MMP24: variants seen among roughly 807,000 people sequenced by gnomAD.
MMP24 encodes matrix metalloproteinase-24.
Under a neutral mutation model 62.8 loss-of-function variants are expected in MMP24, and 25 were observed. That is an observed-to-expected ratio of 0.40 (90% CI 0.29 to 0.56). MMP24 has a LOEUF of 0.56. Among genes scored for constraint, MMP24 ranks in the 20% least tolerant of loss-of-function variants. The pLI is 0.50. For missense variants in MMP24, 634 were observed against 853.6 expected, an observed-to-expected ratio of 0.74 and a Z score of 3.21; for synonymous variants, 319 against 350.5, an observed-to-expected ratio of 0.91 and a Z score of 1.00.
At chr20:35,268,391 C>T (rs1370398449) in intron 6 of MMP24, among the ~76,000 whole-genome samples, 1 of 152,162 alleles carries the variant, frequency 6.6e-6, no homozygotes, top group Non-Finnish European at 1.5e-5. Flanking sequence ...GAGGCTGCCT[C>T]GCTCCCCTTG....
At chr20:35,249,006 C>T (rs1384598799) in intron 2 of MMP24, among the ~76,000 whole-genome samples, 1 of 152,266 alleles carries the variant, frequency 6.6e-6, no homozygotes, top group African/African-American at 2.4e-5. Context: ...GGGAATGATC[C>T]GAGGGAAAAG....
At chr20:35,228,284 A>G (rs1302366820) in intron 1 of MMP24, among the ~76,000 whole-genome samples, 1 of 152,240 alleles carries the variant, frequency 6.6e-6, no homozygotes, top group African/African-American at 2.4e-5. Context: ...TCCACAAAAC[A>G]ACAAAAAAGA....
Position 35,276,287 on chromosome 20 carries a change from C to A in MMP24, c.*1678C>A. 1 of 399,156 alleles carries A rather than the reference C, an allele frequency of 2.5e-6. No individual in the cohort carries two copies. The highest frequency in any genetic ancestry group is 4.4e-6 in the Non-Finnish European group (1 of 226,106). The allele number at this position is 399,156 out of a possible 1,614,324, so 24.7% of individuals were successfully genotyped here. A position where few individuals can be genotyped will look rare whatever the true frequency, so the allele number is the denominator to read the frequency against. On this transcript the variant is annotated 3_prime_UTR_variant, in exon 9 of 9. Transcript: ENST00000246186. ...TGTTTTTTCTCATTTTGGCCAAGGG[C>A]AGGCTCCCTGGGACAGGCAGGGAAC... is the stretch of plus-strand genomic sequence containing the variant.
At chr20:35,262,333 G>A (rs1346486617) in intron 4 of MMP24, among the ~76,000 whole-genome samples, 4 of 152,172 alleles carry the variant, frequency 2.6e-5, no homozygotes, top group African/African-American at 7.2e-5. Flanking sequence ...AGAGGGGGAT[G>A]TGTCAGGGTC....
intron 1 of MMP24, among the ~76,000 whole-genome samples, chr20:35,242,315 G>C (rs994170011): frequency 1.3e-5 from 2 of 152,070 alleles, no homozygotes; most frequent in South Asian, 4.1e-4. Context: ...CTGGGCAACA[G>C]AGTGAGACTC....
intron 4 of MMP24, among the ~76,000 whole-genome samples, chr20:35,258,364 G>A (rs981729782): frequency 1.3e-5 from 2 of 152,146 alleles, no homozygotes. Flanking sequence ...CCTTGGAAAT[G>A]TCTTTTACAG....
At chr20:35,241,317 C>A (rs1002316951) in intron 1 of MMP24, among the ~76,000 whole-genome samples, 15 of 152,188 alleles carry the variant, frequency 9.9e-5, no homozygotes, top group African/African-American at 3.6e-4. Context: ...CACACAGACA[C>A]ACAGACACAC....
intron 4 of MMP24, among the ~76,000 whole-genome samples, chr20:35,257,932 C>G (rs1218287482): frequency 6.6e-6 from 1 of 152,166 alleles, no homozygotes; most frequent in Non-Finnish European, 1.5e-5. Context: ...AGGCAAGGAA[C>G]CAAAATTTAT....
intron 1 of MMP24, 138 bp downstream of exon 1, chr20:35,227,122 G>A: frequency 1.4e-6 from 1 of 719,742 alleles, no homozygotes. Context: ...CCGCGCCTTG[G>A]GTCCGGGCTG....
rs1417081568 is a variant in MMP24 at position 35,226,968 on chromosome 20, C to G, written c.230C>G (p.Ala77Gly). 3 of 979,894 alleles carry G rather than the reference C, an allele frequency of 3.1e-6. No homozygotes were observed. Among genetic ancestry groups the G allele is most frequent in the Non-Finnish European group, 3.6e-6 (3 of 827,880 alleles). The allele number at this position is 979,894 out of a possible 1,614,324, so 60.7% of individuals were successfully genotyped here. ...VAVARADEAE[A>G]PFAGQNWLKS... The stretch of plus-strand genomic sequence containing the variant: ...GTGGCGCGGGCGGACGAGGCGGAGG[C>G]GCCCTTCGCCGGGCAGGTGGGGCTG... The change falls in exon 1 of 9, where the codon GCG (alanine) becomes GGG (glycine). Residue 77 changes from alanine to glycine, a missense_variant. By Grantham distance (60) the Ala-to-Gly change is moderately conservative. Around this residue, in one of 3 missense-constraint regions of MMP24, gnomAD observed 212 missense variants for 259.6 expected, o/e 0.82. Coordinates refer to ENST00000246186, the MANE Select transcript of MMP24 (RefSeq NM_006690.4).
rs117983792 is a variant in MMP24, at chr20:35,238,681, C to T, written c.247-8159C>T. Among the ~76,000 whole-genome samples the T allele has an allele frequency of 6.1e-3, 933 of 152,256 alleles. 20 individuals carry two copies. Among genetic ancestry groups the T allele is most frequent in the East Asian group, 0.047 (245 of 5,180 alleles). On this transcript the variant is annotated intron_variant, in intron 1 of 8. Coordinates refer to ENST00000246186, the MANE Select transcript of MMP24 (RefSeq NM_006690.4). ...CTTACTGTTCCCTCATCCTGGAACA[C>T]GCTTTCCTAGTAGCCACAGGGTCCA...
At position 35,276,382 on chromosome 20, in the gene MMP24, C is replaced by A; in HGVS notation, c.*1773C>A. The A allele has an allele frequency of 5.0e-6, 2 of 398,596 alleles. No individual in the cohort carries two copies. The highest frequency in any genetic ancestry group is 2.7e-4 in the South Asian group (2 of 7,416). 24.7% of individuals were successfully genotyped at this position (398,596 alleles called of 1,614,324 possible). The stretch of plus-strand genomic sequence containing the variant: ...TACTTTGCAAAGCACTTTATTAGCT[C>A]ACACCTGTCCACTCACATGAAACTC... On this transcript the variant is annotated 3_prime_UTR_variant, in exon 9 of 9. Coordinates refer to ENST00000246186, the MANE Select transcript of MMP24 (RefSeq NM_006690.4).
chr20:35,249,410 C>T (rs2060532998), intron 2 of MMP24, among the ~76,000 whole-genome samples: 1 of 152,212 alleles, frequency 6.6e-6, no homozygotes, highest in African/African-American at 2.4e-5. Flanking sequence ...TCTAGCTCAG[C>T]TTTGTGCTAA....
rs1304054738 is a variant in MMP24 at position 35,269,695 on chromosome 20, T to C, written c.1195-65T>C. Reference sequence around the variant, plus strand: ...GCTGTTGGGACCTAAGCCCCACAGCTGCAATCACTGGGTTCGGAGGCAGGG... The same window carrying C: ...GCTGTTGGGACCTAAGCCCCACAGCCGCAATCACTGGGTTCGGAGGCAGGG... On this transcript the variant is annotated intron_variant, in intron 6 of 8. Coordinates refer to ENST00000246186, the MANE Select transcript of MMP24 (RefSeq NM_006690.4). The surrounding 1 kb of genome is among the most constrained non-coding windows in gnomAD (Gnocchi z 4.6). The C allele has an allele frequency of 2.6e-6, 4 of 1,536,618 alleles. No individual in the cohort carries two copies. In the African/African-American group the frequency reaches 4.1e-5, roughly 16 times the overall value.
At chr20:35,260,403 C>T (rs76941917) in intron 4 of MMP24, among the ~76,000 whole-genome samples, 3 of 152,366 alleles carry the variant, frequency 2.0e-5, no homozygotes, top group Non-Finnish European at 4.4e-5. Context: ...GGTTTTGAGT[C>T]TCCCACAGTG....
chr20:35,273,395 T>TAAAA (rs756836538), intron 8 of MMP24, among the ~76,000 whole-genome samples: 1 of 136,376 alleles, frequency 7.3e-6, no homozygotes, highest in African/African-American at 2.7e-5. Flanking sequence ...GACCTTGTCT[T>TAAAA]AAAAAAAAAA....
At position 35,226,801 on chromosome 20, in the gene MMP24, C is replaced by G. The variant is rs2060414972; in HGVS notation, c.63C>G (p.Gly21=). 4 of 974,522 alleles carry G rather than the reference C, an allele frequency of 4.1e-6. No individual in the cohort carries two copies. The highest frequency in any genetic ancestry group is 4.9e-6 in the Non-Finnish European group (4 of 823,756). 60.4% of individuals were successfully genotyped at this position (974,522 alleles called of 1,614,324 possible). Residue 21 remains glycine, a synonymous_variant, in exon 1 of 9, where the codon GGC becomes GGG. Coordinates refer to ENST00000246186, the MANE Select transcript of MMP24 (RefSeq NM_006690.4). ...CGCCGCCGCCGCCGCCGCCGCCGGG[C>G]CAGGCCCCGCGCTGGAGCCGCTGGC... ...PGPPPPPPPP[G]QAPRWSRWRV... is the part of the protein sequence containing the mutation.
chr20:35,228,944 T>C (rs1364643426), intron 1 of MMP24, among the ~76,000 whole-genome samples: 1 of 152,212 alleles, frequency 6.6e-6, no homozygotes, highest in East Asian at 1.9e-4. Context: ...TTCTTTGCTC[T>C]CCTGGTCCCA....
In MMP24 at chr20:35,276,243, T is replaced by C; in HGVS notation, c.*1634T>C. On this transcript the variant is annotated 3_prime_UTR_variant, in exon 9 of 9. Coordinates refer to ENST00000246186, the MANE Select transcript of MMP24 (RefSeq NM_006690.4). Reference sequence around the variant, plus strand: ...CAGAGGTGCCCATGTGGGTCCGCTGTGTCCCCTGTCATCATCCTTGTTTTT... The same window carrying C: ...CAGAGGTGCCCATGTGGGTCCGCTGCGTCCCCTGTCATCATCCTTGTTTTT... 2.5e-6 allele frequency: 1 copy of C among 399,030 alleles called. No homozygotes were observed. 24.7% of individuals were successfully genotyped at this position (399,030 alleles called of 1,614,324 possible).
Sources: gnomAD v4.1 joint callset for allele counts (sites outside exome capture counted in the v4.1 genomes callset) on GRCh38, gnomAD v4.1.1 for gene constraint, gnomAD v4.1.1 regional missense constraint, Gnocchi (gnomAD v3.1) non-coding constraint, MANE v1.5 for transcripts, NCBI Gene and HGNC (gene_info 2026-07-23, HGNC 2026-07-21) for gene names.